CSTPP1: variants seen among roughly 807,000 people sequenced by gnomAD.
CSTPP1 encodes the protein UPF0705 protein C11orf49.
the CSTPP1 span, among the ~76,000 whole-genome samples, chr11:46,992,101 T>C: frequency 6.6e-6 from 1 of 152,180 alleles, no homozygotes; most frequent in Non-Finnish European, 1.5e-5. Context: ...ATATAATAGA[T>C]GTTAGCTAAA....
the CSTPP1 span, among the ~76,000 whole-genome samples, chr11:47,033,691 G>A: frequency 6.6e-6 from 1 of 152,284 alleles, no homozygotes; most frequent in African/African-American, 2.4e-5. Context: ...GGGGCTCAAT[G>A]GCTTTTTCCA....
the CSTPP1 span, among the ~76,000 whole-genome samples, chr11:47,119,143 C>T: frequency 6.6e-6 from 1 of 152,254 alleles, no homozygotes; most frequent in African/African-American, 2.4e-5. Flanking sequence ...CTCTGTTTAC[C>T]TACTCAAGCC....
chr11:47,129,989 T>A, the CSTPP1 span, among the ~76,000 whole-genome samples: 1 of 152,186 alleles, frequency 6.6e-6, no homozygotes, highest in South Asian at 2.1e-4. Flanking sequence ...CCGGGTGCGG[T>A]GGCTCACGCC....
chr11:47,146,516 A>G, the CSTPP1 span, among the ~76,000 whole-genome samples: 2 of 152,298 alleles, frequency 1.3e-5, no homozygotes, highest in Admixed American at 1.3e-4. Context: ...CACACTCACT[A>G]GTAATCAGGA....
the CSTPP1 span, among the ~76,000 whole-genome samples, chr11:47,065,668 A>G: frequency 6.6e-6 from 1 of 152,096 alleles, no homozygotes; most frequent in East Asian, 1.9e-4. Flanking sequence ...TTTTCATGCT[A>G]TTGTAAATGG....
the CSTPP1 span, among the ~76,000 whole-genome samples, chr11:47,122,091 A>AAAAAAAAAAAATATAT: frequency 9.4e-5 from 3 of 31,838 alleles, no homozygotes; most frequent in African/African-American, 2.9e-4. Context: ...AAAAAAAAAA[A>AAAAAAAAAAAATATAT]ATATATATAT....
At chr11:47,112,043 T>C in the CSTPP1 span, among the ~76,000 whole-genome samples, 16 of 152,118 alleles carry the variant, frequency 1.1e-4, no homozygotes, top group African/African-American at 3.6e-4. Context: ...TCTTACCCAA[T>C]AGGCACACTC....
At chr11:46,999,853 T>G in the CSTPP1 span, among the ~76,000 whole-genome samples, 6 of 152,232 alleles carry the variant, frequency 3.9e-5, no homozygotes, top group African/African-American at 1.4e-4. Context: ...TCTCTGGGTC[T>G]GCTTGCCCTC....
chr11:46,970,033 TA>T, the CSTPP1 span, among the ~76,000 whole-genome samples: 1 of 152,266 alleles, frequency 6.6e-6, no homozygotes, highest in African/African-American at 2.4e-5. Context: ...CTGCATACTA[TA>T]ATAGACTATA....
At chr11:46,940,701 A>G in the CSTPP1 span, among the ~76,000 whole-genome samples, 2 of 152,232 alleles carry the variant, frequency 1.3e-5, no homozygotes, top group East Asian at 3.8e-4. Context: ...AGCTTAAGAC[A>G]GTGACCACAT....
the CSTPP1 span, among the ~76,000 whole-genome samples, chr11:46,992,911 C>T: frequency 1.3e-5 from 2 of 152,134 alleles, no homozygotes; most frequent in South Asian, 4.1e-4. Flanking sequence ...TGTTTCCTGA[C>T]TTTTTAATGA....
At chr11:47,105,920 A>G in the CSTPP1 span, among the ~76,000 whole-genome samples, 25 of 152,212 alleles carry the variant, frequency 1.6e-4, no homozygotes, top group Non-Finnish European at 4.4e-5. Context: ...AATTTTTTTA[A>G]GTCAAAGTGC....
At chr11:46,996,339 T>C in the CSTPP1 span, among the ~76,000 whole-genome samples, 3 of 151,894 alleles carry the variant, frequency 2.0e-5, no homozygotes, top group Non-Finnish European at 2.9e-5. Flanking sequence ...AGTTTCGCTC[T>C]GTCGCCCAGG....
the CSTPP1 span, among the ~76,000 whole-genome samples, chr11:47,088,831 C>G: frequency 1.3e-5 from 2 of 152,096 alleles, no homozygotes; most frequent in Non-Finnish European, 2.9e-5. Context: ...CAGATGTGAG[C>G]CACTGTGCCC....
At chr11:47,041,724 G>T in the CSTPP1 span, 2 of 529,046 alleles carry the variant, frequency 3.8e-6, no homozygotes, top group South Asian at 1.7e-5. Context: ...CAGAGCCTTT[G>T]ACCTTGGTAG....
the CSTPP1 span, among the ~76,000 whole-genome samples, chr11:47,125,222 T>G: frequency 2.0e-5 from 3 of 152,252 alleles, no homozygotes; most frequent in African/African-American, 7.2e-5. Flanking sequence ...ATATCCAGTC[T>G]TCTTTCTGGT....
At chr11:47,115,190 G>A in the CSTPP1 span, among the ~76,000 whole-genome samples, 5 of 152,164 alleles carry the variant, frequency 3.3e-5, no homozygotes, top group African/African-American at 9.7e-5. Flanking sequence ...TAACTTGATC[G>A]TGGTGGATAA....
chr11:47,107,892 A>G, the CSTPP1 span, among the ~76,000 whole-genome samples: 1 of 152,204 alleles, frequency 6.6e-6, no homozygotes. Flanking sequence ...CGTGCTGCAC[A>G]TGAGGAATCA....
the CSTPP1 span, chr11:47,160,809 G>T: frequency 2.6e-6 from 1 of 386,552 alleles, no homozygotes; most frequent in Non-Finnish European, 4.8e-6. Flanking sequence ...AGTACCTGAG[G>T]CCTCAAGAAG....
Sources: allele counts gnomAD v4.1 joint callset (sites outside exome capture counted in the v4.1 genomes callset), GRCh38; gene constraint gnomAD v4.1.1; transcripts MANE v1.5; gene names NCBI Gene and HGNC (gene_info 2026-07-23, HGNC 2026-07-21).